The following XPO6 variants were observed in gnomAD, a reference collection of about 807,000 sequenced individuals.
XPO6 encodes the protein exportin 6.
Under a neutral mutation model 130.0 loss-of-function variants are expected in XPO6, and 3 were observed. The ratio of observed to expected loss-of-function variants is 0.02; its 90% CI spans 0.01 to 0.06. The LOEUF is 0.06. Among genes scored for constraint, XPO6 ranks in the 10% least tolerant of loss-of-function variants. The pLI, the probability that XPO6 is intolerant of heterozygous loss-of-function variation, is 1.00. For missense variants in XPO6, 970 were observed against 1,393.0 expected (o/e 0.70, Z 4.83); for synonymous variants, 524 against 548.9 (o/e 0.95, Z 0.63).
At chr16:28,128,315 A>C (rs778042346) in intron 12 of XPO6, among the ~76,000 whole-genome samples, 3 of 152,112 alleles carry the variant, frequency 2.0e-5, no homozygotes, top group Non-Finnish European at 2.9e-5. Context: ...GTACAGGCCC[A>C]AAAAGAGGGG....
In XPO6 at chr16:28,176,059, G is replaced by C. The variant is rs754588129; in HGVS notation, c.244C>G (p.Gln82Glu). ...INKMWLGVPSQDKMEIRSCLP... is the reference protein window; with the variant it reads ...INKMWLGVPSEDKMEIRSCLP... ...CAGCTACGGATTTCCATCTTATCCT[G>C]AGATGGGACCCCAAGCCACATTTTA... The change falls in exon 4 of 24, where the codon CAG becomes GAG. Residue 82 changes from glutamine (Q) to glutamate (E), a missense_variant. By Grantham distance (29) the Gln-to-Glu change is conservative. Coordinates refer to ENST00000304658, the MANE Select transcript of XPO6 (RefSeq NM_015171.4). 1.2e-5 allele frequency: 20 copies of C among 1,614,148 alleles called. No individual in the cohort carries two copies. The highest frequency in any genetic ancestry group is 1.7e-5 in the Non-Finnish European group (20 of 1,180,022).
chr16:28,143,391 C>A (rs1472962096), intron 9 of XPO6, among the ~76,000 whole-genome samples: 1 of 152,222 alleles, frequency 6.6e-6, no homozygotes, highest in East Asian at 1.9e-4. Context: ...ATTTTACATA[C>A]ATGATTTCCT....
chr16:28,183,721 A>C (rs1368680880), intron 1 of XPO6, among the ~76,000 whole-genome samples: 2 of 152,226 alleles, frequency 1.3e-5, no homozygotes, highest in African/African-American at 4.8e-5. Flanking sequence ...ATACCAAATG[A>C]AAACAGACCA....
chr16:28,210,637 T>C (rs1426242430), intron 1 of XPO6, among the ~76,000 whole-genome samples: 3 of 152,302 alleles, frequency 2.0e-5, no homozygotes, highest in African/African-American at 2.4e-5. Context: ...GAGATGTGGA[T>C]ACACAAAGAG....
chr16:28,195,879 T>C (rs1310016944), intron 1 of XPO6, among the ~76,000 whole-genome samples: 1 of 152,172 alleles, frequency 6.6e-6, no homozygotes, highest in Non-Finnish European at 1.5e-5. Flanking sequence ...TTTACTAAGG[T>C]CTTATGTACT....
chr16:28,102,119 C>T (rs1012324627), intron 21 of XPO6, 174 bp from the exon 22 acceptor site: 3 of 574,336 alleles, frequency 5.2e-6, no homozygotes, highest in Non-Finnish European at 9.2e-6. Context: ...ATGTTTTCCC[C>T]ACCGGGCCTT....
At chr16:28,186,687 T>A (rs1488571557) in intron 1 of XPO6, among the ~76,000 whole-genome samples, 1 of 150,968 alleles carries the variant, frequency 6.6e-6, no homozygotes, top group South Asian at 2.1e-4. Context: ...TTTTTTTTTT[T>A]AGAGACAGAG....
At chr16:28,211,306 C>T in intron 1 of XPO6, 60 bp downstream of exon 1, 1 of 1,306,926 alleles carries the variant, frequency 7.7e-7, no homozygotes, top group Non-Finnish European at 9.8e-7. Flanking sequence ...AGCCCCGGGG[C>T]CCATTCCCAC....
In XPO6 at chr16:28,211,559, A is replaced by G; in HGVS notation, c.-191T>C. The stretch of plus-strand genomic sequence containing the variant: ...GCCGCCCGGGTCGCCTCATCGGGGG[A>G]CCCCGAGACAATTCATCCAGACCCA... On this transcript the variant is annotated 5_prime_UTR_variant, in exon 1 of 24. Coordinates refer to ENST00000304658, the MANE Select transcript of XPO6 (RefSeq NM_015171.4). The G allele has an allele frequency of 2.1e-6, 1 of 473,948 alleles. No homozygotes were observed. 29.4% of individuals were successfully genotyped at this position (473,948 alleles called of 1,614,324 possible). A position where few individuals can be genotyped will look rare whatever the true frequency, so the allele number is the denominator to read the frequency against.
intron 6 of XPO6, among the ~76,000 whole-genome samples, chr16:28,163,238 T>C (rs1013010282): frequency 7.2e-5 from 11 of 152,302 alleles, no homozygotes; most frequent in African/African-American, 2.6e-4. Context: ...TTTCTATAGG[T>C]AGTATACAAG....
chr16:28,196,542 A>ATGTT (rs2043866777), intron 1 of XPO6, among the ~76,000 whole-genome samples: 1 of 152,168 alleles, frequency 6.6e-6, no homozygotes, highest in South Asian at 2.1e-4. Context: ...GCATACTTTA[A>ATGTT]AATGGTGACG....
At chr16:28,119,618 T>C (rs538135785) in intron 14 of XPO6, among the ~76,000 whole-genome samples, 9 of 152,184 alleles carry the variant, frequency 5.9e-5, no homozygotes, top group African/African-American at 2.2e-4. Context: ...GGAAATACAT[T>C]TAATGTGTGG....
At position 28,128,307 on chromosome 16, in the gene XPO6, AC is replaced by A. The variant is rs2042600329; in HGVS notation, c.1607-2460del. On this transcript the variant is annotated intron_variant, in intron 12 of 23. Coordinates refer to ENST00000304658, the MANE Select transcript of XPO6 (RefSeq NM_015171.4). ...ACCCTGACACTGGGTATAGCATAGT[AC>A]AGGCCCAAAAAGAGGGGAGGCCAGC... 2.6e-5 allele frequency among the ~76,000 whole-genome samples: 4 copies of A among 152,292 alleles called. No individual in the cohort carries two copies. In the South Asian group the frequency reaches 8.3e-4, roughly 32 times the overall value.
At chr16:28,113,194 A>T (rs145278599) in intron 15 of XPO6, 144 bp from the exon 16 acceptor site, 1 of 1,055,236 alleles carries the variant, frequency 9.5e-7, no homozygotes, top group East Asian at 2.8e-5. Context: ...AATTTTTCCT[A>T]TGATGACTAC....
chr16:28,108,401 C>A (rs2086832886), intron 17 of XPO6, among the ~76,000 whole-genome samples: 1 of 152,216 alleles, frequency 6.6e-6, no homozygotes, highest in Admixed American at 6.5e-5. Context: ...AGGTGACCAT[C>A]TGAAGGCTAT....
At position 28,098,485 on chromosome 16, in the gene XPO6, G is replaced by T; in HGVS notation, c.*53C>A. On this transcript the variant is annotated 3_prime_UTR_variant, in exon 24 of 24. Transcript: ENST00000304658. Reference sequence around the variant, plus strand: ...TGGGAGACATCTGTGGTGGAAGGTAGGGCTGGCGCAGGTGGCAGCAGCAGA... The same window carrying T: ...TGGGAGACATCTGTGGTGGAAGGTATGGCTGGCGCAGGTGGCAGCAGCAGA... The T allele has an allele frequency of 6.7e-7, 1 of 1,493,816 alleles. No individual in the cohort carries two copies. The highest frequency in any genetic ancestry group is 1.2e-5 in the South Asian group (1 of 84,552). The allele number at this position is 1,493,816 out of a possible 1,614,324, so 92.5% of individuals were successfully genotyped here.
At chr16:28,185,388 A>G (rs542907292) in intron 1 of XPO6, among the ~76,000 whole-genome samples, 1 of 152,246 alleles carries the variant, frequency 6.6e-6, no homozygotes, top group Admixed American at 6.5e-5. Flanking sequence ...AATAATTTAA[A>G]TAAGTAAAAC....
chr16:28,170,259 G>T (rs944142414), intron 4 of XPO6, among the ~76,000 whole-genome samples: 1 of 151,078 alleles, frequency 6.6e-6, no homozygotes, highest in Non-Finnish European at 1.5e-5. Context: ...TTGAACCCAG[G>T]AGGTGGAGGT....
chr16:28,188,804 T>G (rs539528096), intron 1 of XPO6, among the ~76,000 whole-genome samples: 48 of 150,626 alleles, frequency 3.2e-4, no homozygotes, highest in African/African-American at 1.1e-3. Context: ...CATCTACCTA[T>G]CCCCCTCCTG....
Sources: gnomAD v4.1 joint callset for allele counts (sites outside exome capture counted in the v4.1 genomes callset) on GRCh38, gnomAD v4.1.1 for gene constraint, MANE v1.5 for transcripts, NCBI Gene and HGNC (gene_info 2026-07-23, HGNC 2026-07-21) for gene names.